Variants in NUTM2B observed in about 807,000 individuals in gnomAD.
NUTM2B encodes NUT family member 2B.
In NUTM2B, 2 loss-of-function variants were observed where a neutral mutation model predicts 42.4. The ratio of observed to expected loss-of-function variants is 0.05; its 90% CI spans 0.02 to 0.15. The LOEUF (loss-of-function observed/expected upper bound fraction) is 0.15, where lower values mean the gene tolerates loss of function less well. NUTM2B is among the 10% of genes least tolerant of loss of function. NUTM2B has a pLI of 1.00. For synonymous variants in NUTM2B, 18 were observed against 402.4 expected (o/e 0.04, Z 11.43); for missense variants, 58 against 952.6 (o/e 0.06, Z 12.36).
chr10:79,693,216 C>T, the NUTM2B span, among the ~76,000 whole-genome samples: 1 of 152,232 alleles, frequency 6.6e-6, no homozygotes, highest in South Asian at 2.1e-4. Context: ...ACCCCAGGCT[C>T]CTGCAGTGGG....
intron 1 of NUTM2B, among the ~76,000 whole-genome samples, chr10:79,705,592 G>C (rs1270040323): frequency 1.3e-5 from 2 of 149,772 alleles, no homozygotes; most frequent in African/African-American, 4.9e-5. Context: ...GATTGAAGAG[G>C]AGATGGGGCC....
At chr10:79,707,238 G>C (rs538202203) in intron 2 of NUTM2B, among the ~76,000 whole-genome samples, 2 of 132,568 alleles carry the variant, frequency 1.5e-5, no homozygotes, top group Admixed American at 7.9e-5. Context: ...GGATGGTCTC[G>C]GGCCCTGCAC....
chr10:79,702,221 G>C (rs1840325515), upstream of NUTM2B, among the ~76,000 whole-genome samples: 1 of 152,212 alleles, frequency 6.6e-6, no homozygotes, highest in African/African-American at 2.4e-5. Context: ...TTGCACAGTG[G>C]AAGAGGGCTG....
intron 1 of NUTM2B, among the ~76,000 whole-genome samples, chr10:79,705,188 G>T (rs1321270188): frequency 2.4e-5 from 3 of 125,100 alleles, no homozygotes; most frequent in African/African-American, 9.3e-5. Context: ...ATGACCAGCA[G>T]CTGTGAAAAT....
chr10:79,702,880 T>C (rs1266372735), upstream of NUTM2B, among the ~76,000 whole-genome samples: 2 of 151,016 alleles, frequency 1.3e-5, no homozygotes, highest in African/African-American at 4.9e-5. Context: ...ATGAAGCTTT[T>C]TTTAAAGACA....
the NUTM2B span, among the ~76,000 whole-genome samples, chr10:79,696,795 G>A: frequency 2.4e-4 from 36 of 152,234 alleles, no homozygotes; most frequent in African/African-American, 6.3e-4. Context: ...GCGCATGCAC[G>A]TCCAGAGAAC....
At chr10:79,698,087 C>A in the NUTM2B span, among the ~76,000 whole-genome samples, 2 of 151,592 alleles carry the variant, frequency 1.3e-5, no homozygotes, top group South Asian at 2.1e-4. Flanking sequence ...TCTTAATATA[C>A]CCCAAACCCC....
upstream of NUTM2B, among the ~76,000 whole-genome samples, chr10:79,700,276 T>G (rs1840288299): frequency 6.6e-6 from 1 of 152,276 alleles, no homozygotes; most frequent in Non-Finnish European, 1.5e-5. Context: ...AATGAGGTCG[T>G]CCGTGAGAAC....
the NUTM2B span, among the ~76,000 whole-genome samples, chr10:79,696,985 C>T: frequency 4.2e-3 from 529 of 126,458 alleles, 3 homozygotes; most frequent in African/African-American, 0.015. Flanking sequence ...CTTACTTTTA[C>T]GTTGGACTCA....
the NUTM2B span, among the ~76,000 whole-genome samples, chr10:79,694,478 C>T: frequency 6.6e-6 from 1 of 152,108 alleles, no homozygotes; most frequent in African/African-American, 2.4e-5. Context: ...CCAGGGGCAT[C>T]CTGAGCCTTT....
chr10:79,704,259 TAGA>T (rs1840349249), intron 1 of NUTM2B, among the ~76,000 whole-genome samples: 1 of 90,142 alleles, frequency 1.1e-5, no homozygotes, highest in East Asian at 5.4e-4. Context: ...TGATCCTTTC[TAGA>T]AGGAGACAGG....
the NUTM2B span, among the ~76,000 whole-genome samples, chr10:79,696,819 C>T: frequency 6.6e-6 from 1 of 151,946 alleles, no homozygotes; most frequent in African/African-American, 2.4e-5. Flanking sequence ...CCAGAGAGTG[C>T]TTAACAGTGA....
chr10:79,692,816 C>G, the NUTM2B span, among the ~76,000 whole-genome samples: 3 of 152,208 alleles, frequency 2.0e-5, no homozygotes, highest in African/African-American at 7.2e-5. Context: ...AGAGAAGGCC[C>G]TGGTCTCCTT....
At chr10:79,699,950 C>A (rs1201818251), upstream of NUTM2B, among the ~76,000 whole-genome samples, 1 of 152,276 alleles carries the variant, frequency 6.6e-6, no homozygotes, top group Non-Finnish European at 1.5e-5. Flanking sequence ...CTCAAGTACA[C>A]ACTAACCCAA....
chr10:79,696,804 A>G, the NUTM2B span, among the ~76,000 whole-genome samples: 4 of 152,114 alleles, frequency 2.6e-5, no homozygotes, highest in Non-Finnish European at 5.9e-5. Flanking sequence ...CGTCCAGAGA[A>G]CAGTCCAGAG....
At chr10:79,701,024 C>A (rs1306167429), upstream of NUTM2B, among the ~76,000 whole-genome samples, 1 of 152,146 alleles carries the variant, frequency 6.6e-6, no homozygotes, top group Non-Finnish European at 1.5e-5. Context: ...TTAGGTAACA[C>A]CCTTGCTGAA....
upstream of NUTM2B, among the ~76,000 whole-genome samples, chr10:79,702,606 A>G (rs1268692673): frequency 1.3e-5 from 2 of 151,044 alleles, no homozygotes; most frequent in Non-Finnish European, 2.9e-5. Flanking sequence ...GGTGTGTTTC[A>G]GTGAATGTTT....
the NUTM2B span, among the ~76,000 whole-genome samples, chr10:79,695,695 C>T: frequency 2.0e-5 from 3 of 151,974 alleles, no homozygotes; most frequent in African/African-American, 7.2e-5. Context: ...TCAGCAGGGA[C>T]ATCAGGACTG....
At chr10:79,693,303 G>A in the NUTM2B span, among the ~76,000 whole-genome samples, 1 of 152,202 alleles carries the variant, frequency 6.6e-6, no homozygotes, top group African/African-American at 2.4e-5. Flanking sequence ...CAGACCCACT[G>A]CTGTGTCACT....
Sources: gnomAD v4.1 joint callset for allele counts (sites outside exome capture counted in the v4.1 genomes callset) on GRCh38, gnomAD v4.1.1 for gene constraint, MANE v1.5 for transcripts, NCBI Gene and HGNC (gene_info 2026-07-23, HGNC 2026-07-21) for gene names.